The following KATNAL1 variants were observed in gnomAD, a reference collection of about 807,000 sequenced individuals.
KATNAL1 encodes the protein katanin p60 ATPase-containing subunit A-like 1.
Under a neutral mutation model 55.2 loss-of-function variants are expected in KATNAL1, and 32 were observed. That is an observed-to-expected ratio of 0.58 (90% CI 0.44 to 0.78). KATNAL1 has a LOEUF of 0.78. KATNAL1 is among the 30% of genes least tolerant of loss of function. The probability of loss-of-function intolerance (pLI) is 0.00; values close to 1 mark genes in which losing one functional copy is unlikely to be tolerated. For missense variants in KATNAL1, 466 were observed against 600.9 expected (o/e 0.78, Z 2.35); for synonymous variants, 193 against 193.6 (o/e 1.00, Z 0.02).
Position 30,255,592 on chromosome 13 carries a change from G to A in KATNAL1, c.347C>T (p.Pro116Leu), listed in dbSNP as rs759139442. The A allele has an allele frequency of 7.2e-6, 11 of 1,537,864 alleles. No homozygotes were observed. In the African/African-American group the frequency reaches 1.3e-4, roughly 18 times the overall value. The change falls in exon 4 of 11, where the codon CCC becomes CTC. Residue 116 changes from proline to leucine, a missense_variant. Pro to Leu is a moderately conservative substitution (Grantham distance 98). Around this residue, in one of 3 missense-constraint regions of KATNAL1, gnomAD observed 248 missense variants for 275.5 expected, o/e 0.90. Coordinates refer to ENST00000380615, the MANE Select transcript of KATNAL1 (RefSeq NM_032116.5). ...CCTCAGAGGTCTTACTTCTCGATTGGGACGCCTGATCTGAGGTGGAGCTCT... is the reference window on the plus strand; with the variant it reads ...CCTCAGAGGTCTTACTTCTCGATTGAGACGCCTGATCTGAGGTGGAGCTCT... ...EHRAPPQIRR[P>L]NREVRPLRKE...
intron 1 of KATNAL1, chr13:30,296,725 A>T: frequency 1.8e-6 from 1 of 559,116 alleles, no homozygotes; most frequent in South Asian, 1.6e-5. Context: ...TATTTCTCCA[A>T]ACAAAATTAG....
intron 1 of KATNAL1, among the ~76,000 whole-genome samples, chr13:30,301,392 T>C (rs994673039): frequency 2.6e-5 from 4 of 152,098 alleles, no homozygotes; most frequent in African/African-American, 9.7e-5. Context: ...AAAAAAACCC[T>C]ATAAACTTTA....
At chr13:30,283,167 C>T (rs144464973) in intron 2 of KATNAL1, among the ~76,000 whole-genome samples, 2,862 of 140,802 alleles carry the variant, frequency 0.02, 50 homozygotes, top group Admixed American at 0.05. Context: ...ACTCCGGAGG[C>T]TGAGGAGGAG....
At chr13:30,293,628 C>T (rs1882285774) in intron 1 of KATNAL1, among the ~76,000 whole-genome samples, 1 of 152,164 alleles carries the variant, frequency 6.6e-6, no homozygotes, top group South Asian at 2.1e-4. Context: ...ACCACCACAA[C>T]AAAGGTAAAG....
intron 3 of KATNAL1, among the ~76,000 whole-genome samples, chr13:30,274,885 ACACATACGCGCGCGCGCGCGCG>A (rs1303329697): frequency 1.1e-4 from 14 of 126,148 alleles, no homozygotes; most frequent in Non-Finnish European, 1.5e-4. Context: ...GTGTGTGCAC[ACACATACGCGCGCGCGCGCGCG>A]CACACACACA....
intron 1 of KATNAL1, among the ~76,000 whole-genome samples, chr13:30,303,584 G>T (rs945000757): frequency 3.3e-5 from 5 of 152,040 alleles, no homozygotes; most frequent in African/African-American, 4.8e-5. Flanking sequence ...AAAATAAAAT[G>T]AAATACTCTT....
chr13:30,294,726 C>G (rs1030062828), intron 1 of KATNAL1, among the ~76,000 whole-genome samples: 4 of 151,988 alleles, frequency 2.6e-5, no homozygotes, highest in Non-Finnish European at 5.9e-5. Flanking sequence ...ACTTTCCTGG[C>G]TAGAGAGGAA....
At chr13:30,296,907 C>T (rs138299752) in intron 1 of KATNAL1, among the ~76,000 whole-genome samples, 1 of 152,170 alleles carries the variant, frequency 6.6e-6, no homozygotes, top group Non-Finnish European at 1.5e-5. Flanking sequence ...ATGCCTCCTC[C>T]TGGGAGCTGA....
chr13:30,233,617 C>T (rs553420584), intron 6 of KATNAL1, among the ~76,000 whole-genome samples: 9 of 150,878 alleles, frequency 6.0e-5, no homozygotes, highest in Admixed American at 2.6e-4. Context: ...AAAAAGAAAT[C>T]GATATGTCGA....
chr13:30,248,080 T>G (rs1402014261), intron 4 of KATNAL1, among the ~76,000 whole-genome samples: 5 of 152,206 alleles, frequency 3.3e-5, no homozygotes, highest in Non-Finnish European at 5.9e-5. Flanking sequence ...GATATACAAA[T>G]TCTAAAATCA....
At position 30,240,947 on chromosome 13, in the gene KATNAL1, A is replaced by C; in HGVS notation, c.620+12T>G. 1 of 1,603,652 alleles carries C rather than the reference A, an allele frequency of 6.2e-7. No homozygotes were observed. The highest frequency in any genetic ancestry group is 8.5e-7 in the Non-Finnish European group (1 of 1,177,064). ...TCCTCTACTTTAATTCAATAATTTG[A>C]AAGACTCTAACCAATGAATGCTAGG... On this transcript the variant is annotated intron_variant, in intron 5 of 10. Transcript: ENST00000380615.
intron 9 of KATNAL1, among the ~76,000 whole-genome samples, chr13:30,216,334 C>G (rs1322363796): frequency 6.6e-6 from 1 of 152,162 alleles, no homozygotes; most frequent in Non-Finnish European, 1.5e-5. Flanking sequence ...ACGCTGGGAG[C>G]TGCTGAGTTC....
At chr13:30,236,145 G>A (rs1437140524) in intron 6 of KATNAL1, among the ~76,000 whole-genome samples, 1 of 152,264 alleles carries the variant, frequency 6.6e-6, no homozygotes, top group African/African-American at 2.4e-5. Flanking sequence ...GGGGACCCAC[G>A]ATGTTCATGC....
chr13:30,271,709 C>T (rs1407302526), intron 3 of KATNAL1, among the ~76,000 whole-genome samples: 3 of 151,858 alleles, frequency 2.0e-5, no homozygotes, highest in Non-Finnish European at 4.4e-5. Context: ...TATCAGAACC[C>T]TTGTAGCCTG....
At chr13:30,228,397 G>A (rs1875729625) in intron 8 of KATNAL1, among the ~76,000 whole-genome samples, 1 of 152,080 alleles carries the variant, frequency 6.6e-6, no homozygotes, top group Non-Finnish European at 1.5e-5. Context: ...TCAGCTCACT[G>A]AAACATATAA....
At chr13:30,275,531 G>C (rs1880776029) in intron 3 of KATNAL1, among the ~76,000 whole-genome samples, 1 of 152,154 alleles carries the variant, frequency 6.6e-6, no homozygotes, top group African/African-American at 2.4e-5. Context: ...CTCATAGAAA[G>C]AGAGTAGAGT....
intron 3 of KATNAL1, among the ~76,000 whole-genome samples, chr13:30,272,927 A>C (rs58567378): frequency 0.18 from 27,504 of 152,050 alleles, 2,698 homozygotes; most frequent in Admixed American, 0.27. Flanking sequence ...ATGATTGCAT[A>C]AGCGCTCACC....
chr13:30,295,751 GT>G (rs1174546644), intron 1 of KATNAL1, among the ~76,000 whole-genome samples: 3 of 152,354 alleles, frequency 2.0e-5, no homozygotes, highest in Admixed American at 6.5e-5. Flanking sequence ...CATAATCCTA[GT>G]TGATAAAGCA....
intron 9 of KATNAL1, among the ~76,000 whole-genome samples, chr13:30,225,120 G>A (rs1875311315): frequency 2.0e-5 from 3 of 152,096 alleles, no homozygotes; most frequent in Non-Finnish European, 2.9e-5. Context: ...AGCTTCTTCT[G>A]TAGGAAAGTC....
Sources: gnomAD v4.1 joint callset for allele counts (sites outside exome capture counted in the v4.1 genomes callset) on GRCh38, gnomAD v4.1.1 for gene constraint, gnomAD v4.1.1 regional missense constraint, MANE v1.5 for transcripts, NCBI Gene and HGNC (gene_info 2026-07-23, HGNC 2026-07-21) for gene names.